The following RBFOX1 variants were observed in gnomAD, a reference collection of about 807,000 sequenced individuals.
RBFOX1 encodes RNA binding protein fox-1 homolog 1.
A neutral mutation model predicts 57.7 loss-of-function variants in RBFOX1; 8 were observed. That is an observed-to-expected ratio of 0.14 (90% CI 0.08 to 0.25). RBFOX1 has a LOEUF of 0.25. Ranked by LOEUF, RBFOX1 falls within the 10% of genes least tolerant of loss-of-function variation. The pLI, the probability that RBFOX1 is intolerant of heterozygous loss-of-function variation, is 1.00. For synonymous variants in RBFOX1, 326 were observed against 222.4 expected, an observed-to-expected ratio of 1.47 and a Z score of -4.15; for missense variants, 611 against 548.5, an observed-to-expected ratio of 1.11 and a Z score of -1.14.
intron 4 of RBFOX1, among the ~76,000 whole-genome samples, chr16:5,897,016 CT>C (rs575235024): frequency 5.3e-5 from 3 of 56,464 alleles, no homozygotes; most frequent in African/African-American, 7.7e-5. Context: ...TATCCATCCG[CT>C]TTTTTTTTTT....
chr16:7,074,775 A>T (rs186946864), intron 4 of RBFOX1, among the ~76,000 whole-genome samples: 1 of 152,240 alleles, frequency 6.6e-6, no homozygotes, highest in Non-Finnish European at 1.5e-5. Flanking sequence ...TGAAAACATT[A>T]TAAAGAAATG....
intron 4 of RBFOX1, among the ~76,000 whole-genome samples, chr16:7,320,315 G>T (rs993601355): frequency 6.6e-6 from 1 of 152,056 alleles, no homozygotes; most frequent in South Asian, 2.1e-4. Flanking sequence ...ACTTGTGAGT[G>T]AGAACATGGA....
intron 3 of RBFOX1, among the ~76,000 whole-genome samples, chr16:7,017,235 C>G (rs1231844585): frequency 6.6e-6 from 1 of 152,134 alleles, no homozygotes. Flanking sequence ...GCTATCTAAA[C>G]AAAATGTGCA....
At chr16:5,909,566 G>A (rs1439965403) in intron 4 of RBFOX1, among the ~76,000 whole-genome samples, 1 of 152,190 alleles carries the variant, frequency 6.6e-6, no homozygotes, top group Non-Finnish European at 1.5e-5. Flanking sequence ...AGCAACAGTT[G>A]ATCCATGCAA....
chr16:7,507,962 CTT>C (rs2073921914), intron 4 of RBFOX1, among the ~76,000 whole-genome samples: 1 of 151,716 alleles, frequency 6.6e-6, no homozygotes, highest in Admixed American at 6.6e-5. Context: ...AGCTGAAACT[CTT>C]TAACTCTTTG....
At chr16:6,594,695 CTT>C (rs34986441) in intron 2 of RBFOX1, among the ~76,000 whole-genome samples, 15 of 151,696 alleles carry the variant, frequency 9.9e-5, no homozygotes, top group East Asian at 9.7e-4. Context: ...CATCTTTGTA[CTT>C]TTTTTTTTGA....
intron 3 of RBFOX1, among the ~76,000 whole-genome samples, chr16:5,849,481 G>A (rs1385456379): frequency 6.6e-6 from 1 of 152,010 alleles, no homozygotes; most frequent in African/African-American, 2.4e-5. Flanking sequence ...TTCTCCCAGG[G>A]GTCATATCCT....
chr16:7,012,896 T>G (rs892484031), intron 3 of RBFOX1, among the ~76,000 whole-genome samples: 1 of 152,124 alleles, frequency 6.6e-6, no homozygotes, highest in African/African-American at 2.4e-5. Flanking sequence ...GGCTGGAAGT[T>G]CAAGATCAGG....
intron 4 of RBFOX1, among the ~76,000 whole-genome samples, chr16:6,004,085 G>A (rs2060650928): frequency 6.6e-6 from 1 of 152,124 alleles, no homozygotes; most frequent in African/African-American, 2.4e-5. Context: ...ATGCATGTGG[G>A]GCTTAATACC....
At chr16:7,020,017 C>G (rs764087431) in intron 3 of RBFOX1, among the ~76,000 whole-genome samples, 70 of 150,470 alleles carry the variant, frequency 4.7e-4, no homozygotes, top group Admixed American at 1.1e-3. Flanking sequence ...CTGCTACCCT[C>G]AGGAAGGCGT....
chr16:5,886,236 AC>A (rs2057896539), intron 4 of RBFOX1, among the ~76,000 whole-genome samples: 1 of 152,166 alleles, frequency 6.6e-6, no homozygotes, highest in African/African-American at 2.4e-5. Context: ...ATTGACTAAT[AC>A]CGTTACCTTG....
At chr16:6,755,289 C>G (rs1358186123) in intron 3 of RBFOX1, among the ~76,000 whole-genome samples, 2 of 152,168 alleles carry the variant, frequency 1.3e-5, no homozygotes, top group African/African-American at 4.8e-5. Flanking sequence ...CCGACTTCCA[C>G]AATGGTTGAA....
intron 2 of RBFOX1, among the ~76,000 whole-genome samples, chr16:5,552,438 G>C (rs2045502031): frequency 6.6e-6 from 1 of 152,164 alleles, no homozygotes; most frequent in Non-Finnish European, 1.5e-5. Flanking sequence ...TAGCCCAAGA[G>C]GTGCGGGATG....
At chr16:6,558,247 C>T (rs1378251595) in intron 2 of RBFOX1, among the ~76,000 whole-genome samples, 1 of 152,098 alleles carries the variant, frequency 6.6e-6, no homozygotes, top group East Asian at 1.9e-4. Flanking sequence ...TCGTCCCCAC[C>T]TCCCATTGTT....
At chr16:6,862,389 A>G (rs1488476414) in intron 3 of RBFOX1, among the ~76,000 whole-genome samples, 7 of 152,294 alleles carry the variant, frequency 4.6e-5, no homozygotes, top group Non-Finnish European at 8.8e-5. Context: ...AGCAGGTTCA[A>G]TGAAATGGAG....
intron 3 of RBFOX1, among the ~76,000 whole-genome samples, chr16:7,015,450 C>T (rs1365256058): frequency 6.6e-6 from 1 of 152,174 alleles, no homozygotes; most frequent in Non-Finnish European, 1.5e-5. Flanking sequence ...GTATAAGGCA[C>T]TGAGCAGGAA....
rs748709432 is a variant in RBFOX1, at chr16:5,947,180, C to G, written c.351+79845C>G. On this transcript the variant is annotated intron_variant, in intron 4 of 19. Transcript: ENST00000641259. The surrounding 1 kb of genome is among the most constrained non-coding windows in gnomAD (Gnocchi z 7.2). ...GCAGCGAGCCGTGATTCTGCCACTG[C>G]TCTCCAGCCTGGGTGGCAGAGTGAG... 6.6e-6 allele frequency among the ~76,000 whole-genome samples: 1 copy of G among 152,180 alleles called. No individual in the cohort carries two copies. Among genetic ancestry groups the G allele is most frequent in the Non-Finnish European group, 1.5e-5 (1 of 68,042 alleles).
At chr16:6,895,382 T>C (rs1729156469) in intron 3 of RBFOX1, among the ~76,000 whole-genome samples, 1 of 148,434 alleles carries the variant, frequency 6.7e-6, no homozygotes, top group South Asian at 2.1e-4. Context: ...TGGTTTACCC[T>C]CTTCGTCTGC....
intron 3 of RBFOX1, among the ~76,000 whole-genome samples, chr16:5,650,533 T>G (rs1029098880): frequency 4.6e-5 from 7 of 152,192 alleles, no homozygotes; most frequent in African/African-American, 1.7e-4. Context: ...AATTCATTCT[T>G]TGGCTTTGGG....
Sources: allele counts gnomAD v4.1 joint callset (sites outside exome capture counted in the v4.1 genomes callset), GRCh38; gene constraint gnomAD v4.1.1; non-coding constraint Gnocchi (gnomAD v3.1); transcripts MANE v1.5; gene names NCBI Gene and HGNC (gene_info 2026-07-23, HGNC 2026-07-21).